The following NCKAP5 variants were observed in gnomAD, a reference collection of about 807,000 sequenced individuals.
NCKAP5 encodes the protein nck-associated protein 5.
In NCKAP5, 92 loss-of-function variants were observed where a neutral mutation model predicts 167.0. That is an observed-to-expected ratio of 0.55 (90% confidence interval 0.47 to 0.66). The LOEUF is 0.66. NCKAP5 is among the 30% of genes least tolerant of loss of function. The probability of loss-of-function intolerance (pLI) is 0.00; values close to 1 mark genes in which losing one functional copy is unlikely to be tolerated. For synonymous variants in NCKAP5, 891 were observed against 877.4 expected (o/e 1.02, Z -0.27); for missense variants, 2,378 against 2,315.0 (o/e 1.03, Z -0.56).
intron 6 of NCKAP5, among the ~76,000 whole-genome samples, chr2:133,124,657 TA>T (rs577080594): frequency 2.7e-4 from 41 of 152,346 alleles, no homozygotes; most frequent in African/African-American, 9.6e-4. Flanking sequence ...TATATGTACG[TA>T]AGACTTCTCT....
chr2:133,052,445 C>T (rs1421036002), intron 6 of NCKAP5, among the ~76,000 whole-genome samples: 6 of 152,110 alleles, frequency 3.9e-5, no homozygotes, highest in African/African-American at 9.7e-5. Context: ...GGGCCGGGCA[C>T]GGTGGCTCAC....
chr2:133,650,407 G>A, the NCKAP5 span, among the ~76,000 whole-genome samples: 1 of 152,124 alleles, frequency 6.6e-6, no homozygotes, highest in East Asian at 1.9e-4. Flanking sequence ...GAATAGCCAA[G>A]TCAATATTGA....
intron 5 of NCKAP5, among the ~76,000 whole-genome samples, chr2:133,149,601 A>C (rs1398831260): frequency 6.6e-6 from 1 of 152,142 alleles, no homozygotes; most frequent in Non-Finnish European, 1.5e-5. Flanking sequence ...TTTTTCTTCT[A>C]CATATGTTCC....
intron 6 of NCKAP5, among the ~76,000 whole-genome samples, chr2:133,016,167 T>A (rs1163462553): frequency 6.6e-6 from 1 of 152,162 alleles, no homozygotes; most frequent in African/African-American, 2.4e-5. Flanking sequence ...AGTAGCCCCA[T>A]GCTCCGCAGT....
At chr2:133,608,928 A>T in the NCKAP5 span, among the ~76,000 whole-genome samples, 1 of 152,122 alleles carries the variant, frequency 6.6e-6, no homozygotes, top group African/African-American at 2.4e-5. Context: ...CACTGAATGG[A>T]TTGGCATTTT....
intron 6 of NCKAP5, among the ~76,000 whole-genome samples, chr2:133,090,115 C>A (rs571490810): frequency 6.6e-6 from 1 of 151,832 alleles, no homozygotes; most frequent in East Asian, 1.9e-4. Context: ...GCCTGTAATC[C>A]CAACACTTTC....
chr2:132,971,358 G>C (rs1442649274), intron 7 of NCKAP5, among the ~76,000 whole-genome samples: 1 of 152,184 alleles, frequency 6.6e-6, no homozygotes, highest in East Asian at 1.9e-4. Context: ...TCCAAAAGTA[G>C]GCCAGGGTCT....
intron 16 of NCKAP5, among the ~76,000 whole-genome samples, chr2:132,752,446 C>T (rs1055558967): frequency 6.6e-6 from 1 of 152,236 alleles, no homozygotes. Flanking sequence ...AGCCTCTTCA[C>T]TAGGGCCCCT....
chr2:133,164,434 C>T (rs565172650), intron 5 of NCKAP5, among the ~76,000 whole-genome samples: 1 of 152,270 alleles, frequency 6.6e-6, no homozygotes, highest in African/African-American at 2.4e-5. Flanking sequence ...TCCTGGGTAC[C>T]TCATTTGCTT....
chr2:133,466,786 T>A (rs1449233869), intron 3 of NCKAP5, among the ~76,000 whole-genome samples: 1 of 151,766 alleles, frequency 6.6e-6, no homozygotes, highest in African/African-American at 2.4e-5. Context: ...TGAATGGGAG[T>A]TCACTCATGA....
At chr2:133,252,123 G>C (rs1238982809) in intron 4 of NCKAP5, among the ~76,000 whole-genome samples, 3 of 152,178 alleles carry the variant, frequency 2.0e-5, no homozygotes, top group Non-Finnish European at 4.4e-5. Flanking sequence ...TCCTATACTG[G>C]AAGCATCATT....
chr2:133,172,156 G>A (rs990990362), intron 5 of NCKAP5, among the ~76,000 whole-genome samples: 17 of 152,114 alleles, frequency 1.1e-4, no homozygotes, highest in Admixed American at 7.9e-4. Context: ...TACAAATGGC[G>A]TAAAATATCT....
chr2:132,989,887 G>A (rs927444446), intron 7 of NCKAP5, among the ~76,000 whole-genome samples: 1 of 152,156 alleles, frequency 6.6e-6, no homozygotes, highest in Non-Finnish European at 1.5e-5. Flanking sequence ...GCCATAAAAT[G>A]AGCCTGAAAA....
At chr2:132,810,389 T>C (rs777296205) in intron 11 of NCKAP5, among the ~76,000 whole-genome samples, 1 of 152,250 alleles carries the variant, frequency 6.6e-6, no homozygotes, top group Non-Finnish European at 1.5e-5. Flanking sequence ...AGAATTCTCT[T>C]CTTCCTCAGG....
At position 133,538,931 on chromosome 2, in the gene NCKAP5, GTTTTT is replaced by G. The variant is rs71412735; in HGVS notation, c.-62+20114_-62+20118del. Among the ~76,000 whole-genome samples, 412 of 108,560 alleles carry G rather than the reference GTTTTT, an allele frequency of 3.8e-3. 10 individuals are homozygous for G. The highest frequency in any genetic ancestry group is 0.014 in the South Asian group (46 of 3,208). 71.2% of individuals were successfully genotyped at this position (108,560 alleles called of 152,430 possible). A position where few individuals can be genotyped will look rare whatever the true frequency, so the allele number is the denominator to read the frequency against. The stretch of plus-strand genomic sequence containing the variant: ...TGGTTTTTTTTTGTGGTTTTTTTGG[GTTTTT>G]TTTTTTTTTTTTTTTTTTTTTTGAG... On this transcript the variant is annotated intron_variant, in intron 2 of 19. Coordinates refer to ENST00000409261, the MANE Select transcript of NCKAP5 (RefSeq NM_207363.3).
At chr2:133,512,436 A>T (rs918751832) in intron 3 of NCKAP5, among the ~76,000 whole-genome samples, 14 of 152,178 alleles carry the variant, frequency 9.2e-5, no homozygotes, top group African/African-American at 3.4e-4. Flanking sequence ...AGCCATTACA[A>T]TCCAGCCTAG....
At chr2:133,518,943 A>G (rs1353133752) in intron 2 of NCKAP5, among the ~76,000 whole-genome samples, 1 of 152,236 alleles carries the variant, frequency 6.6e-6, no homozygotes, top group Non-Finnish European at 1.5e-5. Context: ...ATAAACATAG[A>G]CATTGTACTG....
chr2:133,132,509 ACACACAC>A (rs2082641679), intron 5 of NCKAP5, among the ~76,000 whole-genome samples: 1 of 150,142 alleles, frequency 6.7e-6, no homozygotes, highest in Non-Finnish European at 1.5e-5. Flanking sequence ...ACACACACAC[ACACACAC>A]AAACCCTGAT....
At chr2:133,591,208 T>C in the NCKAP5 span, among the ~76,000 whole-genome samples, 1 of 152,320 alleles carries the variant, frequency 6.6e-6, no homozygotes, top group East Asian at 1.9e-4. Flanking sequence ...GCAATGATCA[T>C]TTATTTAGAT....
Sources: gnomAD v4.1 joint callset for allele counts (sites outside exome capture counted in the v4.1 genomes callset) on GRCh38, gnomAD v4.1.1 for gene constraint, MANE v1.5 for transcripts, NCBI Gene and HGNC (gene_info 2026-07-23, HGNC 2026-07-21) for gene names.